TDRD3: variants seen among roughly 807,000 people sequenced by gnomAD.
TDRD3 encodes the protein tudor domain-containing protein 3.
TDRD3 carries 45 observed loss-of-function variants against 86.7 expected under a neutral mutation model. That is an observed-to-expected ratio of 0.52 (90% CI 0.41 to 0.67). The LOEUF (loss-of-function observed/expected upper bound fraction) is 0.67, where lower values mean the gene tolerates loss of function less well. Among genes scored for constraint, TDRD3 ranks in the 30% least tolerant of loss-of-function variants. The pLI, the probability that TDRD3 is intolerant of heterozygous loss-of-function variation, is 0.00. For missense variants in TDRD3, 814 were observed against 889.0 expected (o/e 0.92, Z 1.07); for synonymous variants, 298 against 301.7 (o/e 0.99, Z 0.13).
At chr13:60,500,623 T>G (rs543929572) in intron 8 of TDRD3, among the ~76,000 whole-genome samples, 28 of 152,358 alleles carry the variant, frequency 1.8e-4, no homozygotes, top group African/African-American at 6.3e-4. Flanking sequence ...GTTGTGCACT[T>G]TGCATTTAAG....
intron 8 of TDRD3, among the ~76,000 whole-genome samples, chr13:60,502,789 T>G (rs1048956908): frequency 2.0e-5 from 3 of 152,188 alleles, no homozygotes; most frequent in Non-Finnish European, 4.4e-5. Context: ...AATTTTATTG[T>G]CTCTACAAGT....
rs190610557 is a variant in TDRD3 at position 60,539,604 on chromosome 13, C to T, written c.2118+4371C>T. On this transcript the variant is annotated intron_variant, in intron 12 of 13. Transcript: ENST00000377881. ...ATAATTATATATATTTTCATGTTAG[C>T]GTACTTTAAAATGAAGAGCTATCAA... Among the ~76,000 whole-genome samples, 420 of 151,404 alleles carry T rather than the reference C, an allele frequency of 2.8e-3. 2 individuals carry two copies. The highest frequency in any genetic ancestry group is 9.3e-3 in the African/African-American group (384 of 41,360).
At chr13:60,562,462 C>T (rs900351493) in intron 12 of TDRD3, among the ~76,000 whole-genome samples, 2 of 152,142 alleles carry the variant, frequency 1.3e-5, no homozygotes, top group African/African-American at 2.4e-5. Context: ...AAGTCCATTA[C>T]ATGTTTTGGG....
At chr13:60,414,011 T>C (rs1954431732) in intron 1 of TDRD3, among the ~76,000 whole-genome samples, 1 of 152,040 alleles carries the variant, frequency 6.6e-6, no homozygotes, top group South Asian at 2.1e-4. Context: ...TGAAGGGAGG[T>C]ATTTTCATAT....
chr13:60,552,055 T>C (rs773142441), intron 12 of TDRD3, among the ~76,000 whole-genome samples: 4 of 152,196 alleles, frequency 2.6e-5, no homozygotes, highest in African/African-American at 4.8e-5. Flanking sequence ...CCAAATCTCA[T>C]ATCCTTTTCA....
At chr13:60,530,080 C>A (rs1335194296) in intron 11 of TDRD3, among the ~76,000 whole-genome samples, 7 of 152,220 alleles carry the variant, frequency 4.6e-5, no homozygotes, top group African/African-American at 1.7e-4. Context: ...CTCCTACTTA[C>A]ATTATTCTCT....
At chr13:60,416,382 G>A (rs1426509186) in intron 1 of TDRD3, among the ~76,000 whole-genome samples, 1 of 152,112 alleles carries the variant, frequency 6.6e-6, no homozygotes, top group Non-Finnish European at 1.5e-5. Flanking sequence ...ATGATCAGTT[G>A]AGCTGATATG....
At chr13:60,427,870 T>A (rs118149748) in intron 1 of TDRD3, among the ~76,000 whole-genome samples, 1 of 152,210 alleles carries the variant, frequency 6.6e-6, no homozygotes, top group Non-Finnish European at 1.5e-5. Context: ...TTACTGGAAT[T>A]TGTAATGGGT....
chr13:60,528,311 A>G lies in TDRD3; in HGVS notation c.1142-56A>G, dbSNP rs1345534261. ...TAATAGAATAAAGCATTTTAAAATA[A>G]TTATTAATGCAGAGTCTTCATCTTA... On this transcript the variant is annotated intron_variant, in intron 10 of 13. Coordinates refer to ENST00000377881, the MANE Select transcript of TDRD3 (RefSeq NM_001146070.2). The G allele has an allele frequency of 5.1e-5, 76 of 1,486,936 alleles. No homozygotes were observed. In the East Asian group the frequency reaches 1.7e-3, roughly 34 times the overall value. The allele number at this position is 1,486,936 out of a possible 1,614,324, so 92.1% of individuals were successfully genotyped here.
At chr13:60,436,911 G>GAACA (rs1382294852) in intron 1 of TDRD3, among the ~76,000 whole-genome samples, 1 of 152,092 alleles carries the variant, frequency 6.6e-6, no homozygotes, top group Non-Finnish European at 1.5e-5. Context: ...ATGCAGAAGG[G>GAACA]AACAGCATGA....
At position 60,447,285 on chromosome 13, in the gene TDRD3, A is replaced by G. The variant is rs183498410; in HGVS notation, c.192+2537A>G. The stretch of plus-strand genomic sequence containing the variant: ...GCATTAAATGATACGGACCAGGAAC[A>G]GATTAGAGACATCCAGACATAGGGT... On this transcript the variant is annotated intron_variant, in intron 3 of 13. Transcript: ENST00000377881. Among the ~76,000 whole-genome samples the G allele has an allele frequency of 1.2e-4, 18 of 152,296 alleles. 1 individual carries two copies. Among genetic ancestry groups the G allele is most frequent in the Admixed American group, 9.2e-4 (14 of 15,282 alleles).
chr13:60,560,574 G>A (rs1194929395), intron 12 of TDRD3, among the ~76,000 whole-genome samples: 1 of 75,902 alleles, frequency 1.3e-5, no homozygotes, highest in Non-Finnish European at 3.0e-5. Flanking sequence ...TTAGAGGAAG[G>A]ACAATGATGA....
chr13:60,423,729 TTTAA>T (rs1954721927), intron 1 of TDRD3, among the ~76,000 whole-genome samples: 1 of 152,144 alleles, frequency 6.6e-6, no homozygotes, highest in South Asian at 2.1e-4. Flanking sequence ...ATTAAGTGTA[TTTAA>T]TTGTAAAAAA....
At chr13:60,449,980 G>A (rs1396734888) in intron 3 of TDRD3, among the ~76,000 whole-genome samples, 1 of 151,944 alleles carries the variant, frequency 6.6e-6, no homozygotes, top group Non-Finnish European at 1.5e-5. Context: ...GGTTTTTAGT[G>A]AATTCTAATA....
At chr13:60,570,653 C>T (rs1958567450) in intron 13 of TDRD3, among the ~76,000 whole-genome samples, 1 of 152,170 alleles carries the variant, frequency 6.6e-6, no homozygotes, top group Non-Finnish European at 1.5e-5. Context: ...TCAATGCCCT[C>T]ATTGCTGGAA....
intron 8 of TDRD3, among the ~76,000 whole-genome samples, chr13:60,495,220 G>A (rs982108917): frequency 6.6e-6 from 1 of 152,194 alleles, no homozygotes; most frequent in East Asian, 1.9e-4. Context: ...GGTTACAAGT[G>A]TTGGTAAATT....
At chr13:60,483,906 T>G (rs1266631937) in intron 6 of TDRD3, 60 bp downstream of exon 6, 42 of 1,521,942 alleles carry the variant, frequency 2.8e-5, no homozygotes, top group Non-Finnish European at 3.7e-5. Flanking sequence ...TTCATTAGCA[T>G]TCAAGCTGTG....
At chr13:60,445,071 C>T (rs1484421036) in intron 3 of TDRD3, among the ~76,000 whole-genome samples, 2 of 152,028 alleles carry the variant, frequency 1.3e-5, no homozygotes. Flanking sequence ...ATTTTATTTA[C>T]CTTTTTATTT....
chr13:60,496,967 G>T (rs1349594507), intron 8 of TDRD3, among the ~76,000 whole-genome samples: 1 of 152,134 alleles, frequency 6.6e-6, no homozygotes, highest in Non-Finnish European at 1.5e-5. Context: ...TGTTAGAAGC[G>T]GTGGGTCACG....
Sources: allele counts gnomAD v4.1 joint callset (sites outside exome capture counted in the v4.1 genomes callset), GRCh38; gene constraint gnomAD v4.1.1; transcripts MANE v1.5; gene names NCBI Gene and HGNC (gene_info 2026-07-23, HGNC 2026-07-21).